Variants in PCCB observed in about 807,000 individuals in gnomAD.
PCCB encodes the protein propionyl-CoA carboxylase beta chain, mitochondrial.
PCCB carries 43 observed loss-of-function variants against 60.7 expected under a neutral mutation model. The observed-to-expected ratio is 0.71, with a 90% CI of 0.55 to 0.91. PCCB has a LOEUF of 0.91. Ranked by LOEUF, PCCB falls within the 40% of genes least tolerant of loss-of-function variation. The probability of loss-of-function intolerance (pLI) is 0.00; values close to 1 mark genes in which losing one functional copy is unlikely to be tolerated. For missense variants in PCCB, 766 were observed against 702.8 expected (o/e 1.09, Z -1.02); for synonymous variants, 276 against 255.9 (o/e 1.08, Z -0.75).
At chr3:136,295,644 A>G (rs900982511) in intron 7 of PCCB, among the ~76,000 whole-genome samples, 1 of 152,236 alleles carries the variant, frequency 6.6e-6, no homozygotes, top group East Asian at 1.9e-4. Context: ...CCCCATTTTA[A>G]TAGCATTATA....
At chr3:136,328,924 A>C in intron 14 of PCCB, 67 bp downstream of exon 14, 4 of 1,273,116 alleles carry the variant, frequency 3.1e-6, no homozygotes, top group Non-Finnish European at 4.6e-6. Flanking sequence ...TTCTCTACAG[A>C]AATTGTCACA....
intron 6 of PCCB, among the ~76,000 whole-genome samples, chr3:136,287,559 T>C (rs1008282308): frequency 2.0e-5 from 3 of 151,896 alleles, no homozygotes; most frequent in Admixed American, 1.3e-4. Flanking sequence ...CAGCCTCCCA[T>C]GTAGCTGGGA....
intron 6 of PCCB, among the ~76,000 whole-genome samples, chr3:136,286,655 C>A (rs1188586258): frequency 1.3e-5 from 2 of 152,148 alleles, no homozygotes; most frequent in East Asian, 3.8e-4. Context: ...CTTAGCACGA[C>A]TACTTACTTC....
chr3:136,297,266 A>T (rs1021193870), intron 7 of PCCB, among the ~76,000 whole-genome samples: 7 of 152,140 alleles, frequency 4.6e-5, no homozygotes, highest in African/African-American at 1.7e-4. Context: ...ACACGATCTG[A>T]CTTAAAAAGC....
chr3:136,310,482 A>T (rs1403288602), intron 9 of PCCB, among the ~76,000 whole-genome samples: 1 of 152,196 alleles, frequency 6.6e-6, no homozygotes, highest in Non-Finnish European at 1.5e-5. Flanking sequence ...TGTTTGTGCC[A>T]CGGCACTCTA....
At chr3:136,316,815 G>GTGAT in intron 9 of PCCB, 126 bp from the exon 10 acceptor site, 1 of 1,088,192 alleles carries the variant, frequency 9.2e-7, no homozygotes, top group Non-Finnish European at 1.4e-6. Flanking sequence ...TGGAGAACCT[G>GTGAT]TGATAGAGCT....
At chr3:136,277,607 T>TG (rs926334826) in intron 5 of PCCB, among the ~76,000 whole-genome samples, 6 of 151,306 alleles carry the variant, frequency 4.0e-5, no homozygotes, top group South Asian at 2.1e-4. Flanking sequence ...CTATGAGGGT[T>TG]GGGGGGGCGG....
intron 5 of PCCB, among the ~76,000 whole-genome samples, chr3:136,264,640 G>A (rs1489538530): frequency 2.6e-5 from 4 of 151,684 alleles, no homozygotes; most frequent in Non-Finnish European, 4.4e-5. Context: ...TTGGGAGGCC[G>A]AGGCAGGTGG....
intron 9 of PCCB, among the ~76,000 whole-genome samples, chr3:136,301,719 C>T (rs1319373749): frequency 3.3e-5 from 5 of 152,156 alleles, no homozygotes; most frequent in Admixed American, 3.3e-4. Flanking sequence ...TCTCTGGTAA[C>T]TCTAGAAGTC....
At chr3:136,251,646 A>G (rs137896205) in intron 1 of PCCB, among the ~76,000 whole-genome samples, 1,751 of 152,166 alleles carry the variant, frequency 0.012, 32 homozygotes, top group East Asian at 0.047. Context: ...GGCTACTTCT[A>G]ACCTACTCTG....
At chr3:136,289,658 A>G (rs1386979247) in intron 6 of PCCB, among the ~76,000 whole-genome samples, 1 of 152,052 alleles carries the variant, frequency 6.6e-6, no homozygotes, top group Non-Finnish European at 1.5e-5. Context: ...TTGGATTAGT[A>G]TCTACCATAT....
intron 7 of PCCB, 88 bp downstream of exon 7, chr3:136,293,952 T>C (rs1318275029): frequency 8.7e-6 from 7 of 803,250 alleles, no homozygotes; most frequent in Admixed American, 5.3e-5. Flanking sequence ...TTAAGAAATA[T>C]TACTTAATTG....
At chr3:136,251,005 G>A (rs1447072093) in intron 1 of PCCB, among the ~76,000 whole-genome samples, 1 of 152,172 alleles carries the variant, frequency 6.6e-6, no homozygotes, top group Admixed American at 6.5e-5. Context: ...CAGGAAAACT[G>A]AACTTGGGCA....
intron 5 of PCCB, among the ~76,000 whole-genome samples, chr3:136,277,954 G>A (rs1255130679): frequency 6.6e-6 from 1 of 152,144 alleles, no homozygotes; most frequent in Admixed American, 6.5e-5. Flanking sequence ...CTGCCCCTGG[G>A]AGGTATGGGT....
At chr3:136,254,303 C>T (rs575013223) in intron 1 of PCCB, among the ~76,000 whole-genome samples, 93 of 151,976 alleles carry the variant, frequency 6.1e-4, no homozygotes, top group African/African-American at 2.1e-3. Context: ...ACTGCAACCC[C>T]TGCCCCCTGG....
intron 1 of PCCB, chr3:136,251,229 C>T (rs561009103): frequency 4.7e-4 from 215 of 456,672 alleles, no homozygotes; most frequent in African/African-American, 3.9e-3. Flanking sequence ...CACCCACCGC[C>T]TGGGTTTTGA....
At chr3:136,271,469 T>C (rs541157645) in intron 5 of PCCB, among the ~76,000 whole-genome samples, 2 of 152,314 alleles carry the variant, frequency 1.3e-5, no homozygotes, top group Admixed American at 6.5e-5. Context: ...TTTCACAATA[T>C]TGATTCTTAC....
intron 1 of PCCB, chr3:136,255,463 A>G (rs181877831): frequency 6.7e-6 from 2 of 298,220 alleles, no homozygotes; most frequent in East Asian, 9.0e-5. Context: ...CCTGTGTCAG[A>G]TCCTTCACTA....
At chr3:136,261,030 C>A (rs747769289) in intron 4 of PCCB, among the ~76,000 whole-genome samples, 12 of 152,094 alleles carry the variant, frequency 7.9e-5, no homozygotes, top group Admixed American at 2.0e-4. Context: ...TGTTAACGAT[C>A]AGCTAGCGTT....
Sources: allele counts gnomAD v4.1 joint callset (sites outside exome capture counted in the v4.1 genomes callset), GRCh38; gene constraint gnomAD v4.1.1; transcripts MANE v1.5; gene names NCBI Gene and HGNC (gene_info 2026-07-23, HGNC 2026-07-21).